The following BRDT variants were observed in gnomAD, a reference collection of about 807,000 sequenced individuals.
BRDT encodes bromodomain testis-specific protein.
BRDT carries 77 observed loss-of-function variants against 113.9 expected under a neutral mutation model. The observed-to-expected ratio is 0.68, with a 90% CI of 0.56 to 0.82. The LOEUF is 0.82. Ranked by LOEUF, BRDT falls within the 40% of genes least tolerant of loss-of-function variation. The probability of loss-of-function intolerance (pLI) is 0.00; values close to 1 mark genes in which losing one functional copy is unlikely to be tolerated. For synonymous variants in BRDT, 358 were observed against 366.5 expected (o/e 0.98, Z 0.26); for missense variants, 1,027 against 1,105.4 (o/e 0.93, Z 1.01).
intron 6 of BRDT, 132 bp downstream of exon 6, chr1:91,977,525 G>A: frequency 1.3e-6 from 1 of 764,990 alleles, no homozygotes; most frequent in Non-Finnish European, 2.0e-6. Context: ...TCTGGAGTGA[G>A]TCTCTGGAAA....
At chr1:92,006,496 C>T (rs912217492) in intron 18 of BRDT, among the ~76,000 whole-genome samples, 1 of 151,822 alleles carries the variant, frequency 6.6e-6, no homozygotes, top group Admixed American at 6.6e-5. Flanking sequence ...GATGAAGTTT[C>T]GCTTTTGTTG....
chr1:91,991,935 T>C (rs1685798755), intron 13 of BRDT, among the ~76,000 whole-genome samples: 1 of 129,932 alleles, frequency 7.7e-6, no homozygotes, highest in African/African-American at 3.0e-5. Flanking sequence ...GAGCTTCCAG[T>C]GAGCCGAGAT....
At chr1:91,996,062 CTT>C (rs1241320881) in intron 15 of BRDT, among the ~76,000 whole-genome samples, 2 of 151,946 alleles carry the variant, frequency 1.3e-5, no homozygotes, top group Middle Eastern at 3.2e-3. Flanking sequence ...TATGTCTACT[CTT>C]TTTTTGAAAT....
intron 12 of BRDT, among the ~76,000 whole-genome samples, chr1:91,989,706 A>G (rs552719915): frequency 7.2e-5 from 11 of 152,080 alleles, no homozygotes; most frequent in South Asian, 2.1e-4. Flanking sequence ...TATATTCTCA[A>G]TCTTCTCAGT....
At chr1:91,995,987 T>C (rs1686293205) in intron 15 of BRDT, among the ~76,000 whole-genome samples, 1 of 152,170 alleles carries the variant, frequency 6.6e-6, no homozygotes, top group South Asian at 2.1e-4. Context: ...GGAGAAAATA[T>C]CTAAGGCCAC....
intron 14 of BRDT, among the ~76,000 whole-genome samples, chr1:91,993,269 C>G (rs1393560381): frequency 6.6e-6 from 1 of 152,156 alleles, no homozygotes; most frequent in Non-Finnish European, 1.5e-5. Context: ...CACCCCAATG[C>G]CTTGTTAGAC....
intron 15 of BRDT, among the ~76,000 whole-genome samples, chr1:91,999,719 G>A (rs1557860027): frequency 6.6e-6 from 1 of 152,110 alleles, no homozygotes; most frequent in Non-Finnish European, 1.5e-5. Flanking sequence ...ATACTTGGGT[G>A]ATCTTTGGCA....
At chr1:91,994,396 A>C in intron 15 of BRDT, 142 bp downstream of exon 15, 1 of 709,974 alleles carries the variant, frequency 1.4e-6, no homozygotes, top group Non-Finnish European at 2.3e-6. Flanking sequence ...GGTTACAAAT[A>C]ATCACTGAAG....
intron 16 of BRDT, among the ~76,000 whole-genome samples, chr1:92,002,798 TGGA>T (rs932858070): frequency 1.1e-4 from 16 of 152,340 alleles, no homozygotes; most frequent in African/African-American, 3.8e-4. Flanking sequence ...GATTTCCTAA[TGGA>T]GTCTTAATGT....
intron 1 of BRDT, among the ~76,000 whole-genome samples, chr1:91,956,003 A>C (rs1681724712): frequency 2.0e-5 from 3 of 152,238 alleles, no homozygotes; most frequent in African/African-American, 7.2e-5. Flanking sequence ...CTATATCAGC[A>C]ATTGTCAACA....
intron 15 of BRDT, among the ~76,000 whole-genome samples, chr1:91,995,026 T>G (rs2101758749): frequency 6.6e-6 from 1 of 152,250 alleles, no homozygotes; most frequent in South Asian, 2.1e-4. Flanking sequence ...TAAAACTGGT[T>G]AAATTTTTAT....
At chr1:91,954,034 T>C (rs1001884747) in intron 1 of BRDT, among the ~76,000 whole-genome samples, 2 of 152,034 alleles carry the variant, frequency 1.3e-5, no homozygotes, top group Non-Finnish European at 2.9e-5. Context: ...TACAGTGGCA[T>C]GATCTCAGCT....
At chr1:91,968,511 G>GTATCACA (rs1683297457) in intron 4 of BRDT, among the ~76,000 whole-genome samples, 1 of 152,190 alleles carries the variant, frequency 6.6e-6, no homozygotes, top group Non-Finnish European at 1.5e-5. Context: ...CGTTCACATA[G>GTATCACA]TAGGGATTCA....
intron 3 of BRDT, 97 bp from the exon 4 acceptor site, chr1:91,968,049 A>T: frequency 8.3e-7 from 1 of 1,198,338 alleles, no homozygotes; most frequent in Non-Finnish European, 1.2e-6. Context: ...GTCTAGGAGT[A>T]CTATGTTACT....
chr1:92,001,984 A>G, intron 15 of BRDT, 65 bp from the exon 16 acceptor site: 1 of 1,221,794 alleles, frequency 8.2e-7, no homozygotes, highest in Non-Finnish European at 1.2e-6. Flanking sequence ...GAAAAATAAA[A>G]TCAAATTCTG....
At position 91,977,410 on chromosome 1, in the gene BRDT, A is replaced by G; in HGVS notation, c.969+17A>G. The G allele has an allele frequency of 6.8e-7, 1 of 1,460,154 alleles. No individual in the cohort carries two copies. The highest frequency in any genetic ancestry group is 9.2e-7 in the Non-Finnish European group (1 of 1,092,876). The allele number at this position is 1,460,154 out of a possible 1,614,324, so 90.4% of individuals were successfully genotyped here. ...ACTATTAAGGTAAATGTTGCCTTAA[A>G]AGGAAGAACTTCTTTTTCTTGATTA... On this transcript the variant is annotated intron_variant, in intron 6 of 18. Transcript: ENST00000399546.
intron 1 of BRDT, among the ~76,000 whole-genome samples, chr1:91,956,763 C>T (rs745840796): frequency 2.6e-5 from 4 of 152,196 alleles, no homozygotes; most frequent in East Asian, 1.9e-4. Context: ...CATAGTGAGA[C>T]TCTGGCTCCC....
At chr1:92,010,479 T>C (rs1392906969) in intron 18 of BRDT, among the ~76,000 whole-genome samples, 1 of 151,842 alleles carries the variant, frequency 6.6e-6, no homozygotes, top group Non-Finnish European at 1.5e-5. Context: ...AGAGACAGGG[T>C]TTCCCCATGT....
At chr1:91,952,418 G>A (rs535563406) in intron 1 of BRDT, among the ~76,000 whole-genome samples, 8 of 152,130 alleles carry the variant, frequency 5.3e-5, no homozygotes, top group Non-Finnish European at 1.2e-4. Flanking sequence ...TCTGGCAGGT[G>A]CACTGGCCAG....
Sources: gnomAD v4.1 joint callset for allele counts (sites outside exome capture counted in the v4.1 genomes callset) on GRCh38, gnomAD v4.1.1 for gene constraint, MANE v1.5 for transcripts, NCBI Gene and HGNC (gene_info 2026-07-23, HGNC 2026-07-21) for gene names.